The following FLNA variants were observed in gnomAD, a reference collection of about 807,000 sequenced individuals.
FLNA encodes filamin A.
In FLNA, 7 loss-of-function variants were observed where a neutral mutation model predicts 157.6. That is an observed-to-expected ratio of 0.04 (90% CI 0.03 to 0.08). The LOEUF is 0.08. FLNA is among the 10% of genes least tolerant of loss of function. The pLI, the probability that FLNA is intolerant of heterozygous loss-of-function variation, is 1.00. For missense variants in FLNA, 1,750 were observed against 2,398.4 expected, an observed-to-expected ratio of 0.73 and a Z score of 5.65; for synonymous variants, 1,103 against 1,060.8, an observed-to-expected ratio of 1.04 and a Z score of -0.77.
At position 154,360,459 on chromosome X, in the gene FLNA, G is replaced by A. The variant is rs782418068; in HGVS notation, c.3336C>T (p.Leu1112=). Reference sequence around the variant, plus strand: ...TGCCATCCCCATTGTCCAAGCACTCGAGCTGCGCCTCACAGGGGCCCTCCA... The same window carrying A: ...TGCCATCCCCATTGTCCAAGCACTCAAGCTGCGCCTCACAGGGGCCCTCCA... ...LTVEGPCEAQ[L]ECLDNGDGTC... The change falls in exon 22 of 48, where the codon CTC becomes CTT. Residue 1112 remains leucine (L), a synonymous_variant. Coordinates refer to ENST00000369850, the MANE Select transcript of FLNA (RefSeq NM_001110556.2). The A allele has an allele frequency of 5.8e-6, 7 of 1,211,574 alleles. No individual in the cohort carries two copies. Among genetic ancestry groups the A allele is most frequent in the Middle Eastern group, 2.3e-4 (1 of 4,355 alleles).
chrX:154,368,183 C>T, intron 2 of FLNA, 93 bp from the exon 3 acceptor site: 1 of 1,152,513 alleles, frequency 8.7e-7, no homozygotes, highest in Non-Finnish European at 1.2e-6. Flanking sequence ...CACGGGGTAG[C>T]AGGGGCCAAG....
chrX:154,359,266 T>A lies in FLNA; in HGVS notation c.4283A>T (p.Tyr1428Phe). 1 of 1,210,974 alleles carries A rather than the reference T, an allele frequency of 8.3e-7. No individual in the cohort carries two copies. Among genetic ancestry groups the A allele is most frequent in the South Asian group, 1.8e-5 (1 of 57,029 alleles). ...EAGTYSLNVT[Y>F]GGHQVPGSPF... ...CTCACCTGGCACTTGATGGCCACCA[T>A]AGGTGACGTTGAGGCTGTAGGTGCC... The change falls in exon 25 of 48, where the codon TAT (tyrosine) becomes TTT (phenylalanine). Residue 1428 changes from tyrosine to phenylalanine, a missense_variant. Tyr to Phe is a conservative substitution (Grantham distance 22). This residue lies in a region of FLNA where 970 missense variants were observed against 1,302.6 expected (regional missense o/e 0.74). Coordinates refer to ENST00000369850, the MANE Select transcript of FLNA (RefSeq NM_001110556.2).
Position 154,361,685 on chromosome X carries a change from A to T in FLNA, c.2929T>A (p.Ser977Thr), listed in dbSNP as rs2067712567. ...PSLDLSKIKV[S>T]GLGEKVDVGK... ...AACTACTTACTCTCTCCCAGGCCAGACACCTTGATCTTGCTGAGGTCCAGG... is the reference window on the plus strand; with the variant it reads ...AACTACTTACTCTCTCCCAGGCCAGTCACCTTGATCTTGCTGAGGTCCAGG... Residue 977 changes from serine (S) to threonine (T), a missense_variant, in exon 20 of 48, where the codon TCT becomes ACT. Ser to Thr is a moderately conservative substitution (Grantham distance 58, BLOSUM62 1). This residue lies in a region of FLNA where 648 missense variants were observed against 805.8 expected (regional missense o/e 0.80). Coordinates refer to ENST00000369850, the MANE Select transcript of FLNA (RefSeq NM_001110556.2). 1 of 1,208,103 alleles carries T rather than the reference A, an allele frequency of 8.3e-7. No homozygotes were observed.
In FLNA at chrX:154,353,076, G is replaced by A. The variant is rs782560098; in HGVS notation, c.6151C>T (p.Arg2051Trp). 6 of 1,210,120 alleles carry A rather than the reference G, an allele frequency of 5.0e-6. No individual in the cohort carries two copies. Among genetic ancestry groups the A allele is most frequent in the Admixed American group, 2.2e-5 (1 of 45,926 alleles). ...QSEIGDASRVRVSGQGLHEGH... is the reference protein window; with the variant it reads ...QSEIGDASRVWVSGQGLHEGH... Reference sequence around the variant, plus strand: ...TCGTGAAGGCCCTGACCAGAGACCCGAACACGACTGGCATCCCCAATTTCC... The same window carrying A: ...TCGTGAAGGCCCTGACCAGAGACCCAAACACGACTGGCATCCCCAATTTCC... Residue 2051 changes from arginine (R) to tryptophan (W), a missense_variant, in exon 38 of 48, where the codon CGG becomes TGG. By Grantham distance (101) the Arg-to-Trp change is moderately radical (BLOSUM62 -3). This residue lies in a region of FLNA where 970 missense variants were observed against 1,302.6 expected (regional missense o/e 0.74). Transcript: ENST00000369850.
At chrX:154,368,124 G>T (rs373365887) in intron 2 of FLNA, 34 bp from the exon 3 acceptor site, 1 of 1,208,006 alleles carries the variant, frequency 8.3e-7, no homozygotes, top group African/African-American at 1.8e-5. Context: ...CTGGGCACAC[G>T]GCTGTGCGGG....
Position 154,371,355 on chromosome X carries a change from G to C in FLNA, c.-110C>G. The C allele has an allele frequency of 8.0e-6, 8 of 1,003,006 alleles. No homozygotes were observed. Among genetic ancestry groups the C allele is most frequent in the South Asian group, 2.2e-5 (1 of 46,397 alleles). The allele number at this position is 1,003,006 out of a possible 1,213,427, so 82.7% of individuals were successfully genotyped here. ...CGCGGGAGGCGAGGCAGGGAGCAGAGGTTGCGCTGCGGAGAGAGCGAGCCC... is the reference window on the plus strand; with the variant it reads ...CGCGGGAGGCGAGGCAGGGAGCAGACGTTGCGCTGCGGAGAGAGCGAGCCC... On this transcript the variant is annotated 5_prime_UTR_variant, in exon 2 of 48. Transcript: ENST00000369850.
In FLNA at chrX:154,362,517, G is replaced by A. The variant is rs878854461; in HGVS notation, c.2466C>T (p.Ile822=). 8.3e-7 allele frequency: 1 copy of A among 1,210,122 alleles called. No individual in the cohort carries two copies. The highest frequency in any genetic ancestry group is 1.1e-6 in the Non-Finnish European group (1 of 895,094). The change falls in exon 17 of 48, where the codon ATC becomes ATT. Residue 822 remains isoleucine, a synonymous_variant. Coordinates refer to ENST00000369850, the MANE Select transcript of FLNA (RefSeq NM_001110556.2). ...TGTCATTGCGGATGATGTCGAAGTC[G>A]ATGTCAGCTTCGGCGGGGCCTACCA... ...PGVVGPAEAD[I]DFDIIRNDND... is the part of the protein sequence containing the mutation.
rs367639317 is a variant in FLNA, at chrX:154,366,204, C to T, written c.1249G>A (p.Glu417Lys). The change falls in exon 9 of 48, where the codon GAG becomes AAG. Residue 417 changes from glutamate to lysine, a missense_variant. Physicochemically the swap from Glu to Lys is moderately conservative, Grantham distance 56. Coordinates refer to ENST00000369850, the MANE Select transcript of FLNA (RefSeq NM_001110556.2). ...FTAGAGTGEV[E>K]VVIQDPMGQK... ...CCCATGGGGTCCTGGATCACAACCT[C>T]GACCTCGCCCGTGCCAGCTCCTGCC... The T allele has an allele frequency of 1.2e-5, 14 of 1,209,397 alleles. No homozygotes were observed. In the Middle Eastern group the frequency reaches 6.9e-4, roughly 59 times the overall value.
chrX:154,355,108 G>A lies in FLNA; in HGVS notation c.4970-36C>T, dbSNP rs782421151. The A allele has an allele frequency of 3.0e-5, 36 of 1,185,294 alleles. No individual in the cohort carries two copies. The South Asian group carries it at 6.3e-4, about 21-fold the overall frequency. ...AGGGTGGGTCCCCAAAGGGGGGCCA[G>A]CGTGTGAGCTCGGGTTCAGGTTGTT... On this transcript the variant is annotated intron_variant, in intron 30 of 47. Transcript: ENST00000369850.
Position 154,353,937 on chromosome X carries a change from G to A in FLNA, c.5664C>T (p.Val1888=), listed in dbSNP as rs202182925. Reference sequence around the variant, plus strand: ...CACCCTCTCCTGCATCCTTGGTGTTGACGGTGAAGGTGGCAGGCTTGTTCA... The same window carrying A: ...CACCCTCTCCTGCATCCTTGGTGTTAACGGTGAAGGTGGCAGGCTTGTTCA... ...GVVNKPATFT[V]NTKDAGEGGL... The change falls in exon 35 of 48, where the codon GTC becomes GTT. Residue 1888 remains valine, a synonymous_variant. Transcript: ENST00000369850. The A allele has an allele frequency of 8.3e-7, 1 of 1,210,997 alleles. No individual in the cohort carries two copies.
At chrX:154,372,109 G>A in intron 1 of FLNA, among the ~76,000 whole-genome samples, 1 of 113,571 alleles carries the variant, frequency 8.8e-6, no homozygotes, top group South Asian at 3.5e-4. Flanking sequence ...AGGATATGGG[G>A]CACTGGGCCA....
At chrX:154,368,131 C>G (rs782410017) in intron 2 of FLNA, 41 bp from the exon 3 acceptor site, 129 of 1,206,993 alleles carry the variant, frequency 1.1e-4, no homozygotes, top group Non-Finnish European at 1.4e-4. Flanking sequence ...CACGGCTGTG[C>G]GGGAGGGGCC....
At chrX:154,353,884 A>G (rs2148106108) in intron 35 of FLNA, 31 bp downstream of exon 35, 1 of 1,210,003 alleles carries the variant, frequency 8.3e-7, no homozygotes, top group South Asian at 1.8e-5. Context: ...TCCCGGGCAC[A>G]GAGCAGGTCA....
chrX:154,357,565 G>C lies in FLNA; in HGVS notation c.4814C>G (p.Thr1605Arg). ...HIQDNHDGTYTVAYVPDVTGR... is the reference protein window; with the variant it reads ...HIQDNHDGTYRVAYVPDVTGR... ...TGTCACGTCTGGCACGTAGGCCACT[G>C]TATACGTGCCGTCATGGTTGTCTTG... is the stretch of plus-strand genomic sequence containing the variant. The change falls in exon 29 of 48, where the codon ACA (threonine) becomes AGA (arginine). Residue 1605 changes from threonine to arginine, a missense_variant. Thr to Arg is a moderately conservative substitution (Grantham distance 71). This residue lies in a region of FLNA where 970 missense variants were observed against 1,302.6 expected (regional missense o/e 0.74). Transcript: ENST00000369850. 1 of 1,211,876 alleles carries C rather than the reference G, an allele frequency of 8.3e-7. No homozygotes were observed.
In FLNA at chrX:154,348,760, C is replaced by T. The variant is rs1172426081; in HGVS notation, c.*89G>A. 17 of 854,530 alleles carry T rather than the reference C, an allele frequency of 2.0e-5. No individual in the cohort carries two copies. The highest frequency in any genetic ancestry group is 9.2e-5 in the African/African-American group (4 of 43,285). The allele number at this position is 854,530 out of a possible 1,213,427, so 70.4% of individuals were successfully genotyped here. A position where few individuals can be genotyped will look rare whatever the true frequency, so the allele number is the denominator to read the frequency against. ...TGCAGTGACAGGCGGGCGGCCAGGG[C>T]GGCCTGGGCCGGGGTTGAGGGGAAG... On this transcript the variant is annotated 3_prime_UTR_variant, in exon 48 of 48. Coordinates refer to ENST00000369850, the MANE Select transcript of FLNA (RefSeq NM_001110556.2).
chrX:154,361,239 T>C lies in FLNA; in HGVS notation c.3207+69A>G, dbSNP rs1473882698. 15 of 1,066,597 alleles carry C rather than the reference T, an allele frequency of 1.4e-5. No homozygotes were observed. The African/African-American group carries it at 1.7e-4, about 12-fold the overall frequency. The allele number at this position is 1,066,597 out of a possible 1,213,427, so 87.9% of individuals were successfully genotyped here. ...GGATTTAGGGCAGGTCTGGAGAAGA[T>C]GGGGTACCTTTGGGGCCCTCAGAGA... On this transcript the variant is annotated intron_variant, in intron 21 of 47. Coordinates refer to ENST00000369850, the MANE Select transcript of FLNA (RefSeq NM_001110556.2).
At position 154,360,037 on chromosome X, in the gene FLNA, A is replaced by G; in HGVS notation, c.3758T>C (p.Val1253Ala). The change falls in exon 22 of 48, where the codon GTG becomes GCG. Residue 1253 changes from valine (V) to alanine (A), a missense_variant. By Grantham distance (64) the Val-to-Ala change is moderately conservative. Around this residue, in one of 5 missense-constraint regions of FLNA, gnomAD observed 970 missense variants for 1,302.6 expected, o/e 0.74. Coordinates refer to ENST00000369850, the MANE Select transcript of FLNA (RefSeq NM_001110556.2). ...ATAGCACTGGACACCGGAAGTGTCC[A>G]CCGCAGGTTCCACCTGCAGCTTGCT... ...FPSKLQVEPAVDTSGVQCYGP... is the reference protein window; with the variant it reads ...FPSKLQVEPAADTSGVQCYGP... The G allele has an allele frequency of 8.3e-7, 1 of 1,210,810 alleles. No individual in the cohort carries two copies.
Position 154,358,336 on chromosome X carries a change from G to A in FLNA, c.4618C>T (p.Leu1540=), listed in dbSNP as rs1258781693. 5.0e-6 allele frequency: 6 copies of A among 1,210,081 alleles called. No individual in the cohort carries two copies. The highest frequency in any genetic ancestry group is 6.7e-6 in the Non-Finnish European group (6 of 895,222). ...VPRSPFKVKV[L]PTHDASKVKA... ...ACCTTGCTGGCATCATGAGTAGGCA[G>A]CACCTTGACCTTGAAGGGGCTGTGA... is the stretch of plus-strand genomic sequence containing the variant. The change falls in exon 28 of 48, where the codon CTG becomes TTG. Residue 1540 remains leucine, a synonymous_variant. Coordinates refer to ENST00000369850, the MANE Select transcript of FLNA (RefSeq NM_001110556.2).
rs372113435 is a variant in FLNA, at chrX:154,366,139, G to A, written c.1314C>T (p.Gly438=). The change falls in exon 9 of 48, where the codon GGC becomes GGT. Residue 438 remains glycine, a synonymous_variant. Transcript: ENST00000369850. ...GTVEPQLEAR[G]DSTYRCSYQP... ...GGTAGCTGCAGCGGTATGTGCTGTC[G>A]CCCCGGGCCTCCAGCTGAGGCTCTA... is the stretch of plus-strand genomic sequence containing the variant. 1.5e-5 allele frequency: 18 copies of A among 1,208,864 alleles called. No individual in the cohort carries two copies. Among genetic ancestry groups the A allele is most frequent in the Admixed American group, 8.7e-5 (4 of 45,973 alleles).
Sources: allele counts gnomAD v4.1 joint callset (sites outside exome capture counted in the v4.1 genomes callset), GRCh38; gene constraint gnomAD v4.1.1; regional missense constraint gnomAD v4.1.1; transcripts MANE v1.5; gene names NCBI Gene and HGNC (gene_info 2026-07-23, HGNC 2026-07-21).